Variants in CLTCL1 observed in about 807,000 individuals in gnomAD.
The protein encoded by CLTCL1 is clathrin heavy chain like 1.
Under a neutral mutation model 190.0 loss-of-function variants are expected in CLTCL1, and 159 were observed. That is an observed-to-expected ratio of 0.84 (90% CI 0.74 to 0.95). CLTCL1 has a LOEUF of 0.95. Ranked by LOEUF, CLTCL1 falls within the 40% of genes least tolerant of loss-of-function variation. The pLI, the probability that CLTCL1 is intolerant of heterozygous loss-of-function variation, is 0.00. For missense variants in CLTCL1, 1,878 were observed against 2,033.4 expected, an observed-to-expected ratio of 0.92 and a Z score of 1.47; for synonymous variants, 752 against 769.6, an observed-to-expected ratio of 0.98 and a Z score of 0.38.
chr22:19,199,258 C>T (rs2084805065), intron 24 of CLTCL1, among the ~76,000 whole-genome samples: 1 of 152,220 alleles, frequency 6.6e-6, no homozygotes. Context: ...CTACCTACAG[C>T]ATGAACATAC....
chr22:19,225,394 A>C (rs1035910320), intron 13 of CLTCL1, 59 bp downstream of exon 13: 1 of 1,478,154 alleles, frequency 6.8e-7, no homozygotes, highest in African/African-American at 1.4e-5. Context: ...GTAGGCAGCA[A>C]CACCTGAGAA....
In CLTCL1 at chr22:19,225,455, T is replaced by C. The variant is rs782371102; in HGVS notation, c.2126A>G (p.Lys709Arg). Residue 709 changes from lysine (K) to arginine (R), a missense_variant and splice_region_variant, in exon 13 of 33, where the codon AAA (lysine) becomes AGA (arginine). Lys to Arg is a conservative substitution (Grantham distance 26). Coordinates refer to ENST00000427926, the MANE Select transcript of CLTCL1 (RefSeq NM_007098.4). ...VELFESFKSYKGLFYFLGSIV... is the reference protein window; with the variant it reads ...VELFESFKSYRGLFYFLGSIV... ...CGGCGAGAGGCTGCATGGTTTACCT[T>C]TGTAACTCTTGAAGGATTCAAAGAG... 6.3e-7 allele frequency: 1 copy of C among 1,578,604 alleles called. No individual in the cohort carries two copies. The highest frequency in any genetic ancestry group is 8.6e-7 in the Non-Finnish European group (1 of 1,161,318).
At chr22:19,236,779 T>G (rs1555962438) in intron 5 of CLTCL1, among the ~76,000 whole-genome samples, 1 of 152,088 alleles carries the variant, frequency 6.6e-6, no homozygotes, top group Non-Finnish European at 1.5e-5. Context: ...AGACTCCAAC[T>G]CTAGAAAAAT....
chr22:19,187,984 A>G lies in CLTCL1; in HGVS notation c.4431T>C (p.Tyr1477=). The G allele has an allele frequency of 6.2e-7, 1 of 1,613,522 alleles. No individual in the cohort carries two copies. The highest frequency in any genetic ancestry group is 1.1e-5 in the South Asian group (1 of 91,070). ...LNHLLTEEED[Y]QGLRASIDAY... ...GGGCTCCTTCCTGCACACCCACCTG[A>G]TAGTCCTCCTCCTCTGTCAGCAGGT... The change falls in exon 28 of 33, where the codon TAT becomes TAC. Residue 1477 remains tyrosine, a synonymous_variant. Transcript: ENST00000427926.
intron 1 of CLTCL1, among the ~76,000 whole-genome samples, chr22:19,282,053 G>A (rs782216606): frequency 2.0e-4 from 30 of 152,056 alleles, no homozygotes; most frequent in East Asian, 5.8e-4. Context: ...AGGGGCGGCC[G>A]GGCACGGTGG....
At position 19,180,017 on chromosome 22, in the gene CLTCL1, G is replaced by C. The variant is rs1385922288; in HGVS notation, c.*21-48C>G. On this transcript the variant is annotated intron_variant, in intron 32 of 32. Coordinates refer to ENST00000427926, the MANE Select transcript of CLTCL1 (RefSeq NM_007098.4). ...TGAGCAGAGCTCTTCCTGCCCATGG[G>C]GGTCCTCTCCTGGCTGCCCCTGAGT... 3 of 609,538 alleles carry C rather than the reference G, an allele frequency of 4.9e-6. No individual in the cohort carries two copies. In the East Asian group the frequency reaches 8.3e-5, roughly 17 times the overall value. The allele number at this position is 609,538 out of a possible 1,614,324, so 37.8% of individuals were successfully genotyped here.
At chr22:19,184,107 A>G (rs569160213) in intron 29 of CLTCL1, 23 of 251,560 alleles carry the variant, frequency 9.1e-5, no homozygotes, top group African/African-American at 4.3e-4. Context: ...AGACAATATC[A>G]TTGACAAAAT....
intron 2 of CLTCL1, among the ~76,000 whole-genome samples, chr22:19,256,973 G>A (rs2086781602): frequency 6.6e-6 from 1 of 152,156 alleles, no homozygotes; most frequent in South Asian, 2.1e-4. Context: ...ATTGTCATAA[G>A]ACACATAGAT....
Position 19,180,199 on chromosome 22 carries a change from T to C in CLTCL1, c.*20A>G, listed in dbSNP as rs1555925135. On this transcript the variant is annotated splice_region_variant and 3_prime_UTR_variant, in exon 32 of 33. Coordinates refer to ENST00000427926, the MANE Select transcript of CLTCL1 (RefSeq NM_007098.4). ...GCTAGTCTCCAAATGGGACACTTAC[T>C]TAGTGCAATCAGCTGGGTCTCATTC... 6.2e-7 allele frequency: 1 copy of C among 1,613,508 alleles called. No homozygotes were observed. Among genetic ancestry groups the C allele is most frequent in the Admixed American group, 1.7e-5 (1 of 60,008 alleles).
At position 19,219,928 on chromosome 22, in the gene CLTCL1, A is replaced by T; in HGVS notation, c.2876T>A (p.Val959Asp). Reference protein sequence around the residue: ...CRKDPELWAHVLEETNPSRRQ... With the variant: ...CRKDPELWAHDLEETNPSRRQ... Reference sequence around the variant, plus strand: ...CCTGGATGGGTTGGTCTCCTCAAGGACGTGAGCCCAGAGCTCCGGATCCTT... The same window carrying T: ...CCTGGATGGGTTGGTCTCCTCAAGGTCGTGAGCCCAGAGCTCCGGATCCTT... Residue 959 changes from valine (V) to aspartate (D), a missense_variant, in exon 18 of 33, where the codon GTC becomes GAC. Coordinates refer to ENST00000427926, the MANE Select transcript of CLTCL1 (RefSeq NM_007098.4). 1 of 1,614,040 alleles carries T rather than the reference A, an allele frequency of 6.2e-7. No individual in the cohort carries two copies. Among genetic ancestry groups the T allele is most frequent in the Non-Finnish European group, 8.5e-7 (1 of 1,179,892 alleles).
At chr22:19,191,274 C>A (rs782134042) in intron 27 of CLTCL1, 30 bp downstream of exon 27, 2 of 1,613,710 alleles carry the variant, frequency 1.2e-6, no homozygotes, top group South Asian at 1.1e-5. Context: ...GCCCAATACA[C>A]TCTTCTACCT....
chr22:19,243,799 G>A lies in CLTCL1; in HGVS notation c.520-863C>T, dbSNP rs1338060014. Among the ~76,000 whole-genome samples, 36 of 145,042 alleles carry A rather than the reference G, an allele frequency of 2.5e-4. 1 individual carries two copies. The highest frequency in any genetic ancestry group is 1.3e-3 in the Admixed American group (18 of 13,610). On this transcript the variant is annotated intron_variant, in intron 3 of 32. Transcript: ENST00000427926. ...TGCAAGCTTCGCCTCCTGGGTTCAC[G>A]CCATTCTCCTGCCTCAGCCTCCTGA...
rs566143619 is a variant in CLTCL1, at chr22:19,241,947, T to G, written c.681+828A>C. 1.5e-4 allele frequency among the ~76,000 whole-genome samples: 22 copies of G among 151,556 alleles called. No homozygotes were observed. In the South Asian group the frequency reaches 4.6e-3, roughly 32 times the overall value. ...GAAACTGTGCCTCATCTACCTTTTTTTTTTTTTTTTTTGGAGATGGAGTCT... is the reference window on the plus strand; with the variant it reads ...GAAACTGTGCCTCATCTACCTTTTTGTTTTTTTTTTTTGGAGATGGAGTCT... On this transcript the variant is annotated intron_variant, in intron 4 of 32. Coordinates refer to ENST00000427926, the MANE Select transcript of CLTCL1 (RefSeq NM_007098.4).
intron 1 of CLTCL1, among the ~76,000 whole-genome samples, chr22:19,286,532 GCAACATA>G (rs2087913374): frequency 6.6e-6 from 1 of 152,112 alleles, no homozygotes; most frequent in South Asian, 2.1e-4. Flanking sequence ...CTACATAATG[GCAACATA>G]AACCAAATAT....
chr22:19,211,166 A>G (rs1555946514), intron 19 of CLTCL1, among the ~76,000 whole-genome samples: 1 of 152,234 alleles, frequency 6.6e-6, no homozygotes, highest in African/African-American at 2.4e-5. Context: ...AAGAAATACT[A>G]CATCTTTATC....
At chr22:19,260,348 AAG>A (rs1319265060) in intron 2 of CLTCL1, among the ~76,000 whole-genome samples, 2 of 152,312 alleles carry the variant, frequency 1.3e-5, no homozygotes, top group African/African-American at 4.8e-5. Flanking sequence ...GGACTCAAGC[AAG>A]AGAGAAGTCA....
At chr22:19,219,197 A>ATTT (rs1555951042) in intron 18 of CLTCL1, among the ~76,000 whole-genome samples, 2 of 151,416 alleles carry the variant, frequency 1.3e-5, no homozygotes, top group Non-Finnish European at 2.9e-5. Context: ...TTATTTATTT[A>ATTT]ATTTTTTTGA....
intron 2 of CLTCL1, chr22:19,257,945 G>T (rs933019330): frequency 1.0e-6 from 1 of 952,900 alleles, no homozygotes; most frequent in Non-Finnish European, 1.5e-6. Flanking sequence ...TCAGATCTTT[G>T]CAAATTCTGT....
At position 19,234,702 on chromosome 22, in the gene CLTCL1, A is replaced by G; in HGVS notation, c.974T>C (p.Leu325Pro). 1 of 1,613,728 alleles carries G rather than the reference A, an allele frequency of 6.2e-7. No individual in the cohort carries two copies. The highest frequency in any genetic ancestry group is 8.5e-7 in the Non-Finnish European group (1 of 1,179,688). The change falls in exon 7 of 33, where the codon CTG becomes CCG. Residue 325 changes from leucine (L) to proline (P), a missense_variant. Coordinates refer to ENST00000427926, the MANE Select transcript of CLTCL1 (RefSeq NM_007098.4). ...IIGVNKKGQV[L>P]SVCVEEDNIV... Reference sequence around the variant, plus strand: ...GTTATCTTCCTCAACACAAACTGACAGTACCTGTAAGGACACAACAAGTGA... The same window carrying G: ...GTTATCTTCCTCAACACAAACTGACGGTACCTGTAAGGACACAACAAGTGA...
Sources: allele counts gnomAD v4.1 joint callset (sites outside exome capture counted in the v4.1 genomes callset), GRCh38; gene constraint gnomAD v4.1.1; transcripts MANE v1.5; gene names NCBI Gene and HGNC (gene_info 2026-07-23, HGNC 2026-07-21).